KAZN: variants seen among roughly 807,000 people sequenced by gnomAD.
KAZN encodes kazrin, periplakin interacting protein, also known as kazrin.
KAZN carries 40 observed loss-of-function variants against 87.4 expected under a neutral mutation model. That is an observed-to-expected ratio of 0.46 (90% CI 0.36 to 0.60). The LOEUF (loss-of-function observed/expected upper bound fraction) is 0.60. Among genes scored for constraint, KAZN ranks in the 20% least tolerant of loss-of-function variants. The pLI is 0.00. For synonymous variants in KAZN, 466 were observed against 458.3 expected (o/e 1.02, Z -0.22); for missense variants, 898 against 1,073.9 (o/e 0.84, Z 2.29).
chr1:14,358,659 T>G (rs1413978481), intron 2 of KAZN, among the ~76,000 whole-genome samples: 1 of 152,190 alleles, frequency 6.6e-6, no homozygotes, highest in Non-Finnish European at 1.5e-5. Context: ...ACTTATTTAT[T>G]TCTGCCTTAA....
intron 2 of KAZN, among the ~76,000 whole-genome samples, chr1:14,181,135 T>C (rs1557542335): frequency 6.6e-6 from 1 of 152,222 alleles, no homozygotes; most frequent in African/African-American, 2.4e-5. Flanking sequence ...ATTTAAAAGT[T>C]ATCTACTCCT....
At chr1:15,016,444 C>T (rs1573071590) in intron 2 of KAZN, among the ~76,000 whole-genome samples, 3 of 152,156 alleles carry the variant, frequency 2.0e-5, no homozygotes, top group African/African-American at 2.4e-5. Flanking sequence ...TGCCACCGTG[C>T]CCGGCTCAAT....
intron 2 of KAZN, among the ~76,000 whole-genome samples, chr1:14,400,297 T>A (rs545273988): frequency 1.3e-5 from 2 of 152,302 alleles, no homozygotes; most frequent in East Asian, 3.9e-4. Flanking sequence ...AGTGCCATCA[T>A]CATGAATTTA....
chr1:15,099,037 G>T lies in KAZN; in HGVS notation c.1548-2506G>T, dbSNP rs79461936. The stretch of plus-strand genomic sequence containing the variant: ...GCTTTGGACACAGAGAAGGGCTCCT[G>T]ACCCAGCATGACATCTTGGAAGGCT... On this transcript the variant is annotated intron_variant, in intron 10 of 14. Transcript: ENST00000376030. The surrounding 1 kb of genome is among the most constrained non-coding windows in gnomAD (Gnocchi z 5.4). 4.6e-4 allele frequency among the ~76,000 whole-genome samples: 70 copies of T among 152,328 alleles called. 1 individual carries two copies. In the East Asian group the frequency reaches 0.013, roughly 29 times the overall value.
chr1:14,133,588 T>A (rs1477633521), intron 1 of KAZN, among the ~76,000 whole-genome samples: 1 of 152,060 alleles, frequency 6.6e-6, no homozygotes, highest in African/African-American at 2.4e-5. Flanking sequence ...ATGACCTCTG[T>A]GGAAGCAGCC....
intron 1 of KAZN, among the ~76,000 whole-genome samples, chr1:14,144,722 T>G (rs1221199211): frequency 6.6e-6 from 1 of 152,220 alleles, no homozygotes; most frequent in East Asian, 1.9e-4. Context: ...GGTGAGGGCC[T>G]CACTCTGCTT....
intron 2 of KAZN, among the ~76,000 whole-genome samples, chr1:14,371,319 T>C (rs1660466680): frequency 6.6e-6 from 1 of 152,196 alleles, no homozygotes; most frequent in Non-Finnish European, 1.5e-5. Flanking sequence ...CTTGAGTTCT[T>C]CACTGTGGTA....
chr1:14,294,056 C>G lies in KAZN; in HGVS notation c.249+113464C>G, dbSNP rs551532489. On this transcript the variant is annotated intron_variant, in intron 2 of 16. Transcript: ENST00000636203. Reference sequence around the variant, plus strand: ...CATAAACTGATAAGGGAGTTTCTTACCAGTTTTATCCCCATTTACAGATGA... The same window carrying G: ...CATAAACTGATAAGGGAGTTTCTTAGCAGTTTTATCCCCATTTACAGATGA... Among the ~76,000 whole-genome samples, 13 of 152,270 alleles carry G rather than the reference C, an allele frequency of 8.5e-5. No homozygotes were observed. In the East Asian group the frequency reaches 2.5e-3, roughly 29 times the overall value.
intron 2 of KAZN, among the ~76,000 whole-genome samples, chr1:14,488,839 G>A (rs1009070477): frequency 5.3e-5 from 8 of 152,150 alleles, no homozygotes; most frequent in Non-Finnish European, 1.0e-4. Context: ...GGCCCCGTGC[G>A]CCATGTTTTC....
chr1:14,365,223 AT>A (rs1369660088), intron 2 of KAZN, among the ~76,000 whole-genome samples: 3 of 151,390 alleles, frequency 2.0e-5, no homozygotes, highest in African/African-American at 7.3e-5. Flanking sequence ...TTGTTTTTGT[AT>A]TTTTAGTAGA....
chr1:15,089,762 A>T (rs913534491), intron 8 of KAZN, among the ~76,000 whole-genome samples: 1 of 139,314 alleles, frequency 7.2e-6, no homozygotes, highest in East Asian at 2.2e-4. Flanking sequence ...AAAAAAAAAA[A>T]GAGAAGTTCA....
At chr1:15,034,917 C>A in intron 3 of KAZN, 32 bp downstream of exon 3, 3 of 1,610,796 alleles carry the variant, frequency 1.9e-6, no homozygotes, top group Non-Finnish European at 2.5e-6. Context: ...CCCTCCCCTC[C>A]CGACACACCA....
At chr1:14,858,038 G>A (rs78501348) in intron 1 of KAZN, among the ~76,000 whole-genome samples, 1,686 of 152,120 alleles carry the variant, frequency 0.011, 40 homozygotes, top group African/African-American at 0.037. Flanking sequence ...TGAATTTCAC[G>A]TAAATGGAGT....
chr1:14,454,066 T>C (rs1667430441), intron 2 of KAZN, among the ~76,000 whole-genome samples: 1 of 152,150 alleles, frequency 6.6e-6, no homozygotes, highest in Admixed American at 6.5e-5. Context: ...AACTGGACAA[T>C]AGGGTGGTAT....
chr1:13,951,779 C>A (rs914535311), intron 1 of KAZN, among the ~76,000 whole-genome samples: 9 of 152,094 alleles, frequency 5.9e-5, no homozygotes, highest in African/African-American at 2.2e-4. Context: ...TCCAGGCAAG[C>A]CATACAGACA....
intron 1 of KAZN, among the ~76,000 whole-genome samples, chr1:14,808,366 A>G (rs111721227): frequency 7.6e-6 from 1 of 131,268 alleles, no homozygotes; most frequent in Non-Finnish European, 1.5e-5. Flanking sequence ...GTTCGATCTC[A>G]GTTCACCGCA....
chr1:14,291,399 C>A (rs1242405226), intron 2 of KAZN, among the ~76,000 whole-genome samples: 2 of 152,180 alleles, frequency 1.3e-5, no homozygotes, highest in Non-Finnish European at 2.9e-5. Flanking sequence ...TGGTGGACAC[C>A]CCTCCCCCAG....
intron 1 of KAZN, among the ~76,000 whole-genome samples, chr1:14,918,120 G>A (rs576297477): frequency 1.3e-5 from 2 of 151,944 alleles, no homozygotes; most frequent in East Asian, 1.9e-4. Flanking sequence ...CTTGTGATCC[G>A]CCTGCCTCAG....
At chr1:14,931,321 G>A (rs893646117) in intron 1 of KAZN, among the ~76,000 whole-genome samples, 2 of 152,054 alleles carry the variant, frequency 1.3e-5, no homozygotes, top group East Asian at 1.9e-4. Context: ...GCGCATGCCT[G>A]TAGTCCCAGC....
Sources: allele counts gnomAD v4.1 joint callset (sites outside exome capture counted in the v4.1 genomes callset), GRCh38; gene constraint gnomAD v4.1.1; non-coding constraint Gnocchi (gnomAD v3.1); transcripts MANE v1.5; gene names NCBI Gene and HGNC (gene_info 2026-07-23, HGNC 2026-07-21).